Variants in XRCC4 observed in about 807,000 individuals in gnomAD.
XRCC4 encodes DNA repair protein XRCC4.
In XRCC4, 28 loss-of-function variants were observed where a neutral mutation model predicts 39.1. The observed-to-expected ratio is 0.72, with a 90% CI of 0.53 to 0.98. The LOEUF (loss-of-function observed/expected upper bound fraction) is 0.98. Among genes scored for constraint, XRCC4 ranks in the 50% least tolerant of loss-of-function variants. The pLI, the probability that XRCC4 is intolerant of heterozygous loss-of-function variation, is 0.00. For missense variants in XRCC4, 350 were observed against 376.4 expected, an observed-to-expected ratio of 0.93 and a Z score of 0.58; for synonymous variants, 123 against 126.4, an observed-to-expected ratio of 0.97 and a Z score of 0.18.
chr5:83,103,691 A>C (rs1456099545), intron 1 of XRCC4, among the ~76,000 whole-genome samples: 9 of 152,190 alleles, frequency 5.9e-5, no homozygotes, highest in Non-Finnish European at 1.0e-4. Context: ...AACCTGTCTT[A>C]TACTCATATA....
chr5:83,105,286 A>T (rs1433568307), intron 2 of XRCC4, among the ~76,000 whole-genome samples: 2 of 152,198 alleles, frequency 1.3e-5, no homozygotes, highest in African/African-American at 4.8e-5. Context: ...AATCTTAGTA[A>T]CTTGGATTTG....
chr5:83,255,770 A>T (rs1435229254), intron 6 of XRCC4, among the ~76,000 whole-genome samples: 1 of 152,194 alleles, frequency 6.6e-6, no homozygotes, highest in Non-Finnish European at 1.5e-5. Context: ...ACTACCTCAT[A>T]GAAAATGTTC....
intron 7 of XRCC4, among the ~76,000 whole-genome samples, chr5:83,269,745 A>G (rs1008335073): frequency 6.6e-6 from 1 of 152,218 alleles, no homozygotes; most frequent in East Asian, 1.9e-4. Context: ...TATTTAGTAG[A>G]TCTAACCCAG....
chr5:83,132,774 C>T (rs1561350600), intron 3 of XRCC4, among the ~76,000 whole-genome samples: 2 of 151,992 alleles, frequency 1.3e-5, no homozygotes, highest in South Asian at 4.2e-4. Context: ...TTCTAGTTAG[C>T]CATTCATCTC....
chr5:83,308,233 A>T (rs1413522176), intron 7 of XRCC4, among the ~76,000 whole-genome samples: 1 of 152,226 alleles, frequency 6.6e-6, no homozygotes, highest in Non-Finnish European at 1.5e-5. Flanking sequence ...TTGTGTAGTC[A>T]TATTACTAAG....
At chr5:83,280,850 C>A (rs1754512189) in intron 7 of XRCC4, among the ~76,000 whole-genome samples, 1 of 152,148 alleles carries the variant, frequency 6.6e-6, no homozygotes, top group Non-Finnish European at 1.5e-5. Flanking sequence ...GCATAGAAAG[C>A]CAAATGAAGT....
At chr5:83,370,102 G>C in the XRCC4 span, among the ~76,000 whole-genome samples, 2 of 152,112 alleles carry the variant, frequency 1.3e-5, no homozygotes, top group East Asian at 3.9e-4. Flanking sequence ...TTCTGAGAGA[G>C]GACAAGAGCC....
intron 7 of XRCC4, among the ~76,000 whole-genome samples, chr5:83,302,263 A>C (rs568322076): frequency 1.3e-5 from 2 of 152,196 alleles, no homozygotes; most frequent in East Asian, 3.9e-4. Flanking sequence ...GTACCAAAAA[A>C]AAAAAAAAAT....
chr5:83,146,266 G>T (rs1748447061), intron 3 of XRCC4, among the ~76,000 whole-genome samples: 1 of 152,170 alleles, frequency 6.6e-6, no homozygotes, highest in Non-Finnish European at 1.5e-5. Flanking sequence ...GTATCTAATG[G>T]TGAGATTTGT....
At chr5:83,175,984 C>T (rs1183210813) in intron 3 of XRCC4, among the ~76,000 whole-genome samples, 1 of 152,004 alleles carries the variant, frequency 6.6e-6, no homozygotes, top group Non-Finnish European at 1.5e-5. Flanking sequence ...GCTATGATTC[C>T]ACCACTGCAT....
intron 3 of XRCC4, among the ~76,000 whole-genome samples, chr5:83,123,513 A>T (rs1747111765): frequency 6.6e-6 from 1 of 150,840 alleles, no homozygotes; most frequent in Admixed American, 6.6e-5. Context: ...TGGGATGTTT[A>T]GGCCATTTAT....
intron 7 of XRCC4, among the ~76,000 whole-genome samples, chr5:83,323,588 A>T (rs1450708396): frequency 2.7e-5 from 4 of 149,654 alleles, no homozygotes; most frequent in African/African-American, 7.3e-5. Context: ...TCTTCTCTTC[A>T]TTTTTTTTTT....
At chr5:83,293,633 C>G (rs1262253866) in intron 7 of XRCC4, among the ~76,000 whole-genome samples, 1 of 151,904 alleles carries the variant, frequency 6.6e-6, no homozygotes, top group Admixed American at 6.6e-5. Flanking sequence ...CCATTTTGCC[C>G]TATATTTATG....
chr5:83,168,659 T>C (rs1316275327), intron 3 of XRCC4, among the ~76,000 whole-genome samples: 1 of 152,152 alleles, frequency 6.6e-6, no homozygotes, highest in Non-Finnish European at 1.5e-5. Flanking sequence ...CAACATATGG[T>C]CCAAATTTCT....
rs74835249 is a variant in XRCC4, at chr5:83,202,293, C to T, written c.483-1259C>T. Among the ~76,000 whole-genome samples the T allele has an allele frequency of 5.4e-3, 826 of 152,276 alleles. 13 individuals are homozygous for T. The highest frequency in any genetic ancestry group is 0.018 in the African/African-American group (760 of 41,530). On this transcript the variant is annotated intron_variant, in intron 4 of 7. Transcript: ENST00000396027. ...TAATAAGAACCTACCAAACATCTGT[C>T]GAATGCTAAACACTATGCTGGGCAC...
chr5:83,263,100 T>C (rs1382713681), intron 7 of XRCC4, among the ~76,000 whole-genome samples: 201 of 148,262 alleles, frequency 1.4e-3, no homozygotes, highest in Middle Eastern at 3.5e-3. Context: ...CGGTGTTTGG[T>C]TTTTTGTTCT....
intron 7 of XRCC4, among the ~76,000 whole-genome samples, chr5:83,341,207 AAC>A (rs1252445699): frequency 1.4e-4 from 21 of 151,572 alleles, no homozygotes; most frequent in African/African-American, 5.1e-4. Context: ...AAAAAAAAAA[AAC>A]AACAACAGTT....
At chr5:83,118,325 A>G (rs1746840563) in intron 3 of XRCC4, among the ~76,000 whole-genome samples, 1 of 151,160 alleles carries the variant, frequency 6.6e-6, no homozygotes, top group Admixed American at 6.6e-5. Flanking sequence ...TAATTGAGAC[A>G]GGGTCACACT....
intron 1 of XRCC4, among the ~76,000 whole-genome samples, chr5:83,095,571 A>G (rs938875565): frequency 1.3e-5 from 2 of 151,996 alleles, no homozygotes; most frequent in African/African-American, 4.8e-5. Flanking sequence ...AGCCTGTCCC[A>G]GTTGCTCAGA....
Sources: allele counts gnomAD v4.1 joint callset (sites outside exome capture counted in the v4.1 genomes callset), GRCh38; gene constraint gnomAD v4.1.1; transcripts MANE v1.5; gene names NCBI Gene and HGNC (gene_info 2026-07-23, HGNC 2026-07-21).